PTPRD: variants seen among roughly 807,000 people sequenced by gnomAD.
PTPRD encodes the protein receptor-type tyrosine-protein phosphatase delta.
Under a neutral mutation model 214.5 loss-of-function variants are expected in PTPRD, and 34 were observed. The observed-to-expected ratio is 0.16, with a 90% CI of 0.12 to 0.21. The LOEUF is 0.21. PTPRD is among the 10% of genes least tolerant of loss of function. PTPRD has a pLI of 1.00. For synonymous variants in PTPRD, 1,128 were observed against 845.7 expected (o/e 1.33, Z -5.79); for missense variants, 2,545 against 2,398.7 (o/e 1.06, Z -1.27).
chr9:9,210,450 A>G (rs140137329), intron 9 of PTPRD, among the ~76,000 whole-genome samples: 2,655 of 152,320 alleles, frequency 0.017, 45 homozygotes, highest in Middle Eastern at 0.031. Flanking sequence ...AAACATTTAA[A>G]TAATTTATTT....
chr9:10,418,730 T>C (rs1224189622), intron 2 of PTPRD, among the ~76,000 whole-genome samples: 4 of 151,628 alleles, frequency 2.6e-5, no homozygotes, highest in East Asian at 2.0e-4. Flanking sequence ...TTAATAATAA[T>C]TGCAGAAAAA....
chr9:9,783,588 C>A (rs546837326), intron 5 of PTPRD, among the ~76,000 whole-genome samples: 2 of 152,182 alleles, frequency 1.3e-5, no homozygotes, highest in African/African-American at 4.8e-5. Context: ...TTTTATCAAA[C>A]TGATAATACA....
chr9:8,974,928 CTG>C (rs1052719148), intron 11 of PTPRD, among the ~76,000 whole-genome samples: 1 of 151,456 alleles, frequency 6.6e-6, no homozygotes, highest in African/African-American at 2.4e-5. Flanking sequence ...GAAACCCCGT[CTG>C]TACTAAAAAT....
intron 35 of PTPRD, among the ~76,000 whole-genome samples, chr9:8,434,464 C>CA (rs1329060215): frequency 6.6e-6 from 1 of 152,134 alleles, no homozygotes; most frequent in East Asian, 1.9e-4. Context: ...TACACAGTGA[C>CA]AAAATCACCC....
At chr9:9,204,099 T>A (rs867630911) in intron 9 of PTPRD, among the ~76,000 whole-genome samples, 3 of 152,174 alleles carry the variant, frequency 2.0e-5, no homozygotes, top group African/African-American at 7.2e-5. Context: ...CTAAAATTAA[T>A]GCTGTGCGCC....
intron 7 of PTPRD, among the ~76,000 whole-genome samples, chr9:9,602,855 T>C (rs1044737137): frequency 3.9e-5 from 6 of 152,200 alleles, no homozygotes; most frequent in Non-Finnish European, 8.8e-5. Context: ...CCTCAAGCTA[T>C]GTCTATGTGA....
chr9:10,597,070 CAT>C (rs35587420), intron 2 of PTPRD, among the ~76,000 whole-genome samples: 16 of 149,462 alleles, frequency 1.1e-4, no homozygotes, highest in African/African-American at 3.4e-4. Context: ...ATTTATTTTC[CAT>C]ATATATATAT....
chr9:8,380,945 C>G (rs1476751667), intron 37 of PTPRD, among the ~76,000 whole-genome samples: 1 of 152,170 alleles, frequency 6.6e-6, no homozygotes, highest in Non-Finnish European at 1.5e-5. Context: ...ACTTACTGAG[C>G]ATGGCAACAT....
At chr9:10,392,943 T>G (rs2098098465) in intron 2 of PTPRD, among the ~76,000 whole-genome samples, 1 of 151,630 alleles carries the variant, frequency 6.6e-6, no homozygotes, top group Non-Finnish European at 1.5e-5. Flanking sequence ...CACAGTGGGG[T>G]CTGCTGGATT....
intron 9 of PTPRD, among the ~76,000 whole-genome samples, chr9:9,388,947 C>T (rs1349025641): frequency 6.6e-6 from 1 of 151,996 alleles, no homozygotes; most frequent in Non-Finnish European, 1.5e-5. Flanking sequence ...AGAGTTGGTG[C>T]TGAACAATAA....
At position 9,611,616 on chromosome 9, in the gene PTPRD, T is replaced by C. The variant is rs142500992; in HGVS notation, c.-286-36835A>G. On this transcript the variant is annotated intron_variant, in intron 7 of 45. Coordinates refer to ENST00000381196, the MANE Select transcript of PTPRD (RefSeq NM_002839.4). ...ATGCTAAATAATGTTATTCATATTATATTGGTCATCCATAGTTTCAGAACA... is the reference window on the plus strand; with the variant it reads ...ATGCTAAATAATGTTATTCATATTACATTGGTCATCCATAGTTTCAGAACA... Among the ~76,000 whole-genome samples the C allele has an allele frequency of 6.5e-3, 994 of 152,162 alleles. 8 individuals carry two copies. The highest frequency in any genetic ancestry group is 0.027 in the Middle Eastern group (8 of 294).
intron 11 of PTPRD, among the ~76,000 whole-genome samples, chr9:8,817,058 A>C (rs1359050786): frequency 6.6e-6 from 1 of 152,238 alleles, no homozygotes; most frequent in East Asian, 1.9e-4. Flanking sequence ...TTGATTAAAG[A>C]ATATTTTTCC....
chr9:9,996,928 A>G (rs1173382356), intron 4 of PTPRD, among the ~76,000 whole-genome samples: 1 of 152,228 alleles, frequency 6.6e-6, no homozygotes, highest in African/African-American at 2.4e-5. Context: ...TCAAAAACAT[A>G]CATTTGGAAA....
chr9:9,812,249 G>A (rs2047375846), intron 5 of PTPRD, among the ~76,000 whole-genome samples: 1 of 152,086 alleles, frequency 6.6e-6, no homozygotes, highest in African/African-American at 2.4e-5. Flanking sequence ...TCATAGTGAT[G>A]TTTGCTTTAT....
Position 9,534,005 on chromosome 9 carries a change from A to C in PTPRD, c.-237+40727T>G, listed in dbSNP as rs557589666. Among the ~76,000 whole-genome samples, 89 of 152,220 alleles carry C rather than the reference A, an allele frequency of 5.8e-4. No individual in the cohort carries two copies. The South Asian group carries it at 0.016, about 28-fold the overall frequency. On this transcript the variant is annotated intron_variant, in intron 8 of 45. Transcript: ENST00000381196. ...AATATGTTAAAATTGCTAAATAAAC[A>C]GTGGCATAGGCACACAAAGACACAC...
intron 14 of PTPRD, among the ~76,000 whole-genome samples, chr9:8,571,989 G>T (rs1185864415): frequency 6.6e-6 from 1 of 152,126 alleles, no homozygotes; most frequent in Non-Finnish European, 1.5e-5. Flanking sequence ...GTTGGTGGAT[G>T]CGGAAGTAAT....
intron 3 of PTPRD, among the ~76,000 whole-genome samples, chr9:10,043,866 A>G (rs2097341478): frequency 6.6e-6 from 1 of 151,964 alleles, no homozygotes; most frequent in Non-Finnish European, 1.5e-5. Flanking sequence ...AGTATACAAA[A>G]TGACTTGCAG....
intron 9 of PTPRD, among the ~76,000 whole-genome samples, chr9:9,350,141 G>T (rs948883684): frequency 6.6e-6 from 1 of 152,004 alleles, no homozygotes; most frequent in African/African-American, 2.4e-5. Context: ...AGGATAATCT[G>T]TGAGAAACAT....
At chr9:9,723,191 T>C (rs939945642) in intron 7 of PTPRD, among the ~76,000 whole-genome samples, 11 of 152,078 alleles carry the variant, frequency 7.2e-5, no homozygotes, top group African/African-American at 1.4e-4. Flanking sequence ...TTGAGTTATA[T>C]GTGGTTTGAG....
Sources: gnomAD v4.1 joint callset for allele counts (sites outside exome capture counted in the v4.1 genomes callset) on GRCh38, gnomAD v4.1.1 for gene constraint, MANE v1.5 for transcripts, NCBI Gene and HGNC (gene_info 2026-07-23, HGNC 2026-07-21) for gene names.